THRB: variants seen among roughly 807,000 people sequenced by gnomAD.
THRB encodes the protein thyroid hormone receptor beta.
THRB carries 12 observed loss-of-function variants against 47.8 expected under a neutral mutation model. The observed-to-expected ratio is 0.25, with a 90% CI of 0.16 to 0.41. The LOEUF (loss-of-function observed/expected upper bound fraction) is 0.41, where lower values mean the gene tolerates loss of function less well. Ranked by LOEUF, THRB falls within the 10% of genes least tolerant of loss-of-function variation. The pLI is 1.00. For missense variants in THRB, 348 were observed against 589.2 expected (o/e 0.59, Z 4.24); for synonymous variants, 218 against 212.2 (o/e 1.03, Z -0.24).
intron 1 of THRB, among the ~76,000 whole-genome samples, chr3:24,373,297 A>G (rs2065046722): frequency 6.6e-6 from 1 of 152,172 alleles, no homozygotes; most frequent in Non-Finnish European, 1.5e-5. Flanking sequence ...ATGTGCAAAC[A>G]CACTGAAAAT....
intron 4 of THRB, among the ~76,000 whole-genome samples, chr3:24,224,651 T>C (rs1462998686): frequency 2.6e-5 from 4 of 152,246 alleles, no homozygotes; most frequent in Non-Finnish European, 1.5e-5. Flanking sequence ...ATGTTTTGTC[T>C]GACTCTGAAA....
At chr3:24,238,608 A>G (rs1362327948) in intron 3 of THRB, among the ~76,000 whole-genome samples, 1 of 152,112 alleles carries the variant, frequency 6.6e-6, no homozygotes, top group Non-Finnish European at 1.5e-5. Flanking sequence ...TGACCCCTTG[A>G]TAGTATCATC....
At chr3:24,269,328 C>G (rs544972945) in intron 3 of THRB, among the ~76,000 whole-genome samples, 2 of 129,830 alleles carry the variant, frequency 1.5e-5, no homozygotes, top group Non-Finnish European at 3.2e-5. Flanking sequence ...CACACGTTAT[C>G]TTTGCTCTGT....
intron 1 of THRB, chr3:24,459,447 A>G (rs1259462511): frequency 6.6e-6 from 1 of 152,230 alleles, no homozygotes; most frequent in Non-Finnish European, 1.5e-5. Flanking sequence ...TCTTTACAGT[A>G]GAATGATTTA....
chr3:24,158,231 T>C (rs1453852315), intron 5 of THRB, among the ~76,000 whole-genome samples: 1 of 152,140 alleles, frequency 6.6e-6, no homozygotes, highest in East Asian at 1.9e-4. Flanking sequence ...ACTAGAAAGG[T>C]AGCCCTACCT....
Position 24,118,972 on chromosome 3 carries a change from G to GTTTTTTTTTTTTTTTT in THRB, c.*3911_*3912insAAAAAAAAAAAAAAAA, listed in dbSNP as rs1180898231. ...GGCCAAACCTTTTTTCCCCCAGTCT[G>GTTTTTTTTTTTTTTTT]GTTTTTTTTTTTTTTTTTTTTTTTT... On this transcript the variant is annotated 3_prime_UTR_variant, in exon 11 of 11. Transcript: ENST00000646209. 1.5e-5 allele frequency: 1 copy of GTTTTTTTTTTTTTTTT among 66,454 alleles called. No individual in the cohort carries two copies. Among genetic ancestry groups the GTTTTTTTTTTTTTTTT allele is most frequent in the Non-Finnish European group, 2.8e-5 (1 of 35,854 alleles). 4.1% of individuals were successfully genotyped at this position (66,454 alleles called of 1,614,324 possible). A position where few individuals can be genotyped will look rare whatever the true frequency, so the allele number is the denominator to read the frequency against.
intron 3 of THRB, among the ~76,000 whole-genome samples, chr3:24,254,660 G>A (rs184402643): frequency 6.6e-6 from 1 of 152,236 alleles, no homozygotes; most frequent in South Asian, 2.1e-4. Flanking sequence ...TTGCTATCAG[G>A]GTTTTTCCTC....
intron 4 of THRB, among the ~76,000 whole-genome samples, chr3:24,223,493 A>G (rs933389630): frequency 1.3e-5 from 2 of 152,216 alleles, no homozygotes; most frequent in Non-Finnish European, 2.9e-5. Context: ...ATGACCAAAA[A>G]TGCTATGGAA....
intron 3 of THRB, among the ~76,000 whole-genome samples, chr3:24,271,708 TAATC>T (rs2053349492): frequency 6.6e-6 from 1 of 152,146 alleles, no homozygotes; most frequent in Non-Finnish European, 1.5e-5. Flanking sequence ...CCTAATTTCT[TAATC>T]AAGTATATAC....
intron 6 of THRB, among the ~76,000 whole-genome samples, chr3:24,149,430 C>T (rs189398170): frequency 9.8e-5 from 15 of 152,288 alleles, no homozygotes; most frequent in Admixed American, 2.0e-4. Context: ...GTACATTGAC[C>T]AGTAAGACCA....
At chr3:24,170,744 G>A (rs1179990844) in intron 5 of THRB, among the ~76,000 whole-genome samples, 1 of 151,896 alleles carries the variant, frequency 6.6e-6, no homozygotes, top group Non-Finnish European at 1.5e-5. Flanking sequence ...TGTGTGTCAG[G>A]AACCTCTTGA....
chr3:24,202,181 A>G (rs2044670670), intron 4 of THRB, among the ~76,000 whole-genome samples: 3 of 152,222 alleles, frequency 2.0e-5, no homozygotes, highest in Admixed American at 2.0e-4. Context: ...GGGCTGAAAT[A>G]TGGCTCAGAG....
chr3:24,182,138 T>C (rs935135091), intron 5 of THRB, among the ~76,000 whole-genome samples: 3 of 152,038 alleles, frequency 2.0e-5, no homozygotes, highest in Admixed American at 6.6e-5. Flanking sequence ...GAGGTGGAGC[T>C]TGCAGTGAGC....
intron 4 of THRB, among the ~76,000 whole-genome samples, chr3:24,205,356 A>G (rs571062076): frequency 6.6e-6 from 1 of 152,354 alleles, no homozygotes; most frequent in East Asian, 1.9e-4. Context: ...CAACATTCTT[A>G]AAGACAAGAC....
chr3:24,162,730 C>G (rs559854447), intron 5 of THRB, among the ~76,000 whole-genome samples: 1 of 145,766 alleles, frequency 6.9e-6, no homozygotes, highest in East Asian at 2.0e-4. Flanking sequence ...CCAAGGGAAA[C>G]TAAAAGTTAT....
In THRB at chr3:24,297,352, G is replaced by A. The variant is rs932655649; in HGVS notation, c.-169C>T. ...GGGGCAGATGAAATATAAAATGCTG[G>A]AGTTTGCCTCTCTGGCGAGCTGCAG... On this transcript the variant is annotated 5_prime_UTR_variant, in exon 3 of 11. Coordinates refer to ENST00000646209, the MANE Select transcript of THRB (RefSeq NM_001354712.2). 6.6e-6 allele frequency: 1 copy of A among 152,176 alleles called. No individual in the cohort carries two copies. The highest frequency in any genetic ancestry group is 1.5e-5 in the Non-Finnish European group (1 of 68,038). 9.4% of individuals were successfully genotyped at this position (152,176 alleles called of 1,614,324 possible).
intron 1 of THRB, among the ~76,000 whole-genome samples, chr3:24,376,710 C>T (rs1479938667): frequency 6.6e-6 from 1 of 152,052 alleles, no homozygotes; most frequent in African/African-American, 2.4e-5. Flanking sequence ...TAGATTTGCC[C>T]TAAGAGAATC....
At chr3:24,235,788 G>A (rs1410496096) in intron 3 of THRB, among the ~76,000 whole-genome samples, 1 of 152,194 alleles carries the variant, frequency 6.6e-6, no homozygotes, top group African/African-American at 2.4e-5. Context: ...GTGACTAGAT[G>A]CAGAATCAGT....
At chr3:24,205,307 G>A (rs111791157) in intron 4 of THRB, among the ~76,000 whole-genome samples, 1 of 152,086 alleles carries the variant, frequency 6.6e-6, no homozygotes, top group Non-Finnish European at 1.5e-5. Flanking sequence ...CAGATCTCTC[G>A]GCAGAAACTC....
Sources: gnomAD v4.1 joint callset for allele counts (sites outside exome capture counted in the v4.1 genomes callset) on GRCh38, gnomAD v4.1.1 for gene constraint, MANE v1.5 for transcripts, NCBI Gene and HGNC (gene_info 2026-07-23, HGNC 2026-07-21) for gene names.